The following SULF1 variants were observed in gnomAD, a reference collection of about 807,000 sequenced individuals.
SULF1 encodes the protein sulfatase 1.
Under a neutral mutation model 110.5 loss-of-function variants are expected in SULF1, and 46 were observed. The ratio of observed to expected loss-of-function variants is 0.42; its 90% CI spans 0.33 to 0.53. SULF1 has a LOEUF of 0.53. Ranked by LOEUF, SULF1 falls within the 20% of genes least tolerant of loss-of-function variation. SULF1 has a pLI of 0.12. For synonymous variants in SULF1, 371 were observed against 387.1 expected (o/e 0.96, Z 0.49); for missense variants, 941 against 1,094.2 (o/e 0.86, Z 1.98).
rs186142885 is a variant in SULF1, at chr8:69,484,814, C to A, written c.-390-10951C>A. ...AACCACCTCCAGGATATACAGCTTG[C>A]TTTCATCTTCCTCTTCTTCTTCTTC... On this transcript the variant is annotated intron_variant, in intron 1 of 22. Coordinates refer to the SULF1 transcript ENST00000260128. Among the ~76,000 whole-genome samples, 20 of 127,118 alleles carry A rather than the reference C, an allele frequency of 1.6e-4. No individual in the cohort carries two copies. In the East Asian group the frequency reaches 4.2e-3, roughly 27 times the overall value. The allele number at this position is 127,118 out of a possible 152,430, so 83.4% of individuals were successfully genotyped here. A position where few individuals can be genotyped will look rare whatever the true frequency, so the allele number is the denominator to read the frequency against.
chr8:69,650,985 A>G (rs894585233), intron 22 of SULF1, among the ~76,000 whole-genome samples: 2 of 151,928 alleles, frequency 1.3e-5, no homozygotes, highest in African/African-American at 2.4e-5. Context: ...GTCTTGGCAT[A>G]TAGATCCTTT....
intron 3 of SULF1, among the ~76,000 whole-genome samples, chr8:69,527,191 T>C (rs1410627086): frequency 1.3e-5 from 2 of 152,084 alleles, no homozygotes; most frequent in East Asian, 1.9e-4. Flanking sequence ...GATAATTGCA[T>C]GTGCAAAAGT....
intron 13 of SULF1, 109 bp downstream of exon 13, chr8:69,605,041 C>G: frequency 1.3e-6 from 2 of 1,482,352 alleles, no homozygotes; most frequent in Non-Finnish European, 1.8e-6. Flanking sequence ...TAAGCTTTTC[C>G]TAGTGGCCTT....
Position 69,624,073 on chromosome 8 carries a change from C to A in SULF1, c.1726C>A (p.Arg576Ser), listed in dbSNP as rs746174102. Residue 576 changes from arginine (R) to serine (S), a missense_variant, in exon 15 of 23, where the codon CGT becomes AGT. By Grantham distance (110) the Arg-to-Ser change is moderately radical. This residue lies in a region of SULF1 where 822 missense variants were observed against 934.3 expected (regional missense o/e 0.88). Coordinates refer to ENST00000402687, the MANE Select transcript of SULF1 (RefSeq NM_001128205.2). ...QVLQPRNIAK[R>S]HDEGHKGPRD... ...GTTGCAACCAAGAAACATTGCTAAG[C>A]GTCATGATGAAGGCCACAAGGGGCC... 5 of 1,613,976 alleles carry A rather than the reference C, an allele frequency of 3.1e-6. No homozygotes were observed. Among genetic ancestry groups the A allele is most frequent in the East Asian group, 4.5e-5 (2 of 44,900 alleles).
chr8:69,607,884 C>T (rs1315281129), intron 13 of SULF1, among the ~76,000 whole-genome samples: 1 of 152,172 alleles, frequency 6.6e-6, no homozygotes, highest in Non-Finnish European at 1.5e-5. Context: ...TCCTGACATG[C>T]GCCCTGCTTC....
At chr8:69,488,561 A>G (rs985850120), upstream of SULF1, among the ~76,000 whole-genome samples, 1 of 151,424 alleles carries the variant, frequency 6.6e-6, no homozygotes, top group Non-Finnish European at 1.5e-5. Context: ...CAAAACTCCA[A>G]CGGATGGGCT....
intron 22 of SULF1, among the ~76,000 whole-genome samples, chr8:69,646,599 C>G (rs1811929404): frequency 1.3e-5 from 2 of 151,756 alleles, no homozygotes; most frequent in Admixed American, 6.6e-5. Flanking sequence ...GCTTATTATC[C>G]CCATTTTACA....
At chr8:69,619,833 A>AGCCCT in intron 13 of SULF1, among the ~76,000 whole-genome samples, 1 of 152,314 alleles carries the variant, frequency 6.6e-6, no homozygotes, top group African/African-American at 2.4e-5. Flanking sequence ...TTTGGGCTCC[A>AGCCCT]GCCCTGCGGT....
chr8:69,617,410 TATATATATATATATATATATATA>T (rs1563592217), intron 13 of SULF1, among the ~76,000 whole-genome samples: 57 of 82,898 alleles, frequency 6.9e-4, no homozygotes, highest in African/African-American at 1.3e-3. Flanking sequence ...TATATATATA[TATATATATATATATATATATATA>T]TGTTTTTTTT....
At chr8:69,557,638 G>A (rs1233361970) in intron 3 of SULF1, among the ~76,000 whole-genome samples, 3 of 152,062 alleles carry the variant, frequency 2.0e-5, no homozygotes, top group African/African-American at 2.4e-5. Flanking sequence ...GTTTTGTAAT[G>A]CAACAGATTA....
At chr8:69,576,645 A>C (rs1225565549) in intron 6 of SULF1, among the ~76,000 whole-genome samples, 7 of 152,316 alleles carry the variant, frequency 4.6e-5, no homozygotes, top group Admixed American at 3.3e-4. Flanking sequence ...GACTTCTTTC[A>C]AGAGGGGTAG....
upstream of SULF1, among the ~76,000 whole-genome samples, chr8:69,488,908 A>T (rs1284105746): frequency 6.6e-6 from 1 of 152,054 alleles, no homozygotes; most frequent in Non-Finnish European, 1.5e-5. Context: ...TCCCCGGGGA[A>T]GGTGTAATTG....
At chr8:69,526,626 A>G (rs1424512469) in intron 3 of SULF1, among the ~76,000 whole-genome samples, 1 of 151,360 alleles carries the variant, frequency 6.6e-6, no homozygotes, top group Non-Finnish European at 1.5e-5. Context: ...AAAGAAAGAA[A>G]GAAAGAAAAG....
chr8:69,567,777 G>A (rs1166102032), intron 5 of SULF1, among the ~76,000 whole-genome samples: 5 of 152,020 alleles, frequency 3.3e-5, no homozygotes, highest in Non-Finnish European at 5.9e-5. Context: ...TCCCTATTGT[G>A]GATAATGCTG....
chr8:69,546,289 T>G (rs561703202), intron 3 of SULF1, among the ~76,000 whole-genome samples: 50 of 152,296 alleles, frequency 3.3e-4, no homozygotes, highest in African/African-American at 1.2e-3. Context: ...ATGGAGAAAA[T>G]AGACTGCTGC....
At chr8:69,641,941 C>T (rs1811510247) in intron 22 of SULF1, among the ~76,000 whole-genome samples, 3 of 152,034 alleles carry the variant, frequency 2.0e-5, no homozygotes, top group Admixed American at 1.3e-4. Context: ...TGGCAATATT[C>T]GCCATTGCTA....
intron 7 of SULF1, among the ~76,000 whole-genome samples, chr8:69,588,081 TA>T (rs1397760703): frequency 6.6e-6 from 1 of 152,202 alleles, no homozygotes; most frequent in African/African-American, 2.4e-5. Flanking sequence ...AAATATTGCC[TA>T]AACACTTTCT....
chr8:69,471,400 GAA>G lies in SULF1; in HGVS notation c.-391+4462_-391+4463del, dbSNP rs11478873. Reference sequence around the variant, plus strand: ...TTCCTCCCCACCCAGGACAGGAAACGAAAAAAAAAAAAATGAAACTCAGTGGG... The same window carrying G: ...TTCCTCCCCACCCAGGACAGGAAACGAAAAAAAAAAATGAAACTCAGTGGG... On this transcript the variant is annotated intron_variant, in intron 1 of 22. Coordinates refer to the SULF1 transcript ENST00000260128. 9.4e-4 allele frequency among the ~76,000 whole-genome samples: 131 copies of G among 139,744 alleles called. 1 individual carries two copies. In the South Asian group the frequency reaches 9.6e-3, roughly 10 times the overall value. 91.7% of individuals were successfully genotyped at this position (139,744 alleles called of 152,430 possible). A position where few individuals can be genotyped will look rare whatever the true frequency, so the allele number is the denominator to read the frequency against.
intron 19 of SULF1, among the ~76,000 whole-genome samples, chr8:69,632,213 C>A (rs1810618030): frequency 6.6e-6 from 1 of 152,132 alleles, no homozygotes; most frequent in Non-Finnish European, 1.5e-5. Context: ...AGGAACTGAT[C>A]CCATTCAATA....
Sources: allele counts gnomAD v4.1 joint callset (sites outside exome capture counted in the v4.1 genomes callset), GRCh38; gene constraint gnomAD v4.1.1; regional missense constraint gnomAD v4.1.1; transcripts MANE v1.5; gene names NCBI Gene and HGNC (gene_info 2026-07-23, HGNC 2026-07-21).